SLC35F3: variants seen among roughly 807,000 people sequenced by gnomAD.
SLC35F3 encodes putative thiamine transporter SLC35F3.
Under a neutral mutation model 49.9 loss-of-function variants are expected in SLC35F3, and 25 were observed. That is an observed-to-expected ratio of 0.50 (90% CI 0.37 to 0.70). The LOEUF (loss-of-function observed/expected upper bound fraction) is 0.70. Among genes scored for constraint, SLC35F3 ranks in the 30% least tolerant of loss-of-function variants. The pLI is 0.00. For missense variants in SLC35F3, 525 were observed against 639.8 expected (o/e 0.82, Z 1.94); for synonymous variants, 275 against 265.4 (o/e 1.04, Z -0.35).
intron 2 of SLC35F3, among the ~76,000 whole-genome samples, chr1:234,201,029 C>T (rs1479314972): frequency 2.0e-5 from 3 of 152,148 alleles, no homozygotes; most frequent in Non-Finnish European, 4.4e-5. Context: ...AAACAGTGTC[C>T]AGGCCCTCCT....
At chr1:234,091,337 C>G (rs148173726) in intron 2 of SLC35F3, among the ~76,000 whole-genome samples, 1 of 152,336 alleles carries the variant, frequency 6.6e-6, no homozygotes, top group East Asian at 1.9e-4. Context: ...AAAACCAAGG[C>G]CCTTTCTTCC....
At chr1:233,923,699 T>G (rs1662106126) in intron 2 of SLC35F3, among the ~76,000 whole-genome samples, 1 of 152,296 alleles carries the variant, frequency 6.6e-6, no homozygotes, top group African/African-American at 2.4e-5. Context: ...ATAGGAGTGG[T>G]GAGAGAGGGC....
At chr1:234,318,655 G>A (rs919631927) in intron 5 of SLC35F3, 96 bp from the exon 6 acceptor site, 1 of 1,100,952 alleles carries the variant, frequency 9.1e-7, no homozygotes, top group East Asian at 2.4e-5. Context: ...ATCCTGCAGT[G>A]CAAACCCAGC....
chr1:234,140,103 A>G (rs1665887692), intron 2 of SLC35F3, among the ~76,000 whole-genome samples: 1 of 152,016 alleles, frequency 6.6e-6, no homozygotes, highest in South Asian at 2.1e-4. Context: ...TACAACATGG[A>G]TATGCCGGAC....
At chr1:234,266,956 G>A (rs1466149699) in intron 3 of SLC35F3, among the ~76,000 whole-genome samples, 1 of 129,022 alleles carries the variant, frequency 7.8e-6, no homozygotes, top group Non-Finnish European at 1.6e-5. Flanking sequence ...TAGGACAATA[G>A]TGGAGGGAAG....
At chr1:234,290,823 A>T (rs1668495329) in intron 3 of SLC35F3, among the ~76,000 whole-genome samples, 1 of 152,160 alleles carries the variant, frequency 6.6e-6, no homozygotes, top group Non-Finnish European at 1.5e-5. Context: ...ACATTAAAGA[A>T]CCTGAGGGTT....
intron 2 of SLC35F3, among the ~76,000 whole-genome samples, chr1:234,170,537 A>G (rs1666386218): frequency 6.6e-6 from 1 of 152,030 alleles, no homozygotes; most frequent in South Asian, 2.1e-4. Context: ...TTCCAACCCA[A>G]GACAACCCCG....
chr1:234,248,054 G>A (rs1667670594), intron 3 of SLC35F3, among the ~76,000 whole-genome samples: 1 of 152,110 alleles, frequency 6.6e-6, no homozygotes. Flanking sequence ...TTGAATGGCT[G>A]GTCTATTGTT....
rs746025325 is a variant in SLC35F3 at position 234,231,702 on chromosome 1, G to T, written c.569G>T (p.Cys190Phe). Residue 190 changes from cysteine to phenylalanine, a missense_variant, in exon 3 of 8, where the codon TGC becomes TTC. Cys to Phe is a radical substitution (Grantham distance 205). This residue lies in a region of SLC35F3 where 216 missense variants were observed against 298.1 expected (regional missense o/e 0.72). Transcript: ENST00000366618. The surrounding 1 kb of genome is among the most constrained non-coding windows in gnomAD (Gnocchi z 5.4). The stretch of plus-strand genomic sequence containing the variant: ...CCGTTGTACTACGTGGGGCACGTCT[G>T]CAAGTCCACAGAGAAGCAGTCTGTG... ...FFPLYYVGHVCKSTEKQSVKQ... is the reference protein window; with the variant it reads ...FFPLYYVGHVFKSTEKQSVKQ... 5.6e-5 allele frequency: 90 copies of T among 1,613,566 alleles called. 1 individual carries two copies. The highest frequency in any genetic ancestry group is 7.0e-5 in the Non-Finnish European group (82 of 1,179,710).
chr1:234,139,971 A>AAATAAAATAAAAT (rs1665872755), intron 2 of SLC35F3, among the ~76,000 whole-genome samples: 1 of 135,030 alleles, frequency 7.4e-6, no homozygotes, highest in African/African-American at 2.8e-5. Context: ...AAATAAAATA[A>AAATAAAATAAAAT]AATAAAATAA....
chr1:233,926,328 G>A (rs1003987787), intron 2 of SLC35F3, among the ~76,000 whole-genome samples: 27 of 152,040 alleles, frequency 1.8e-4, no homozygotes, highest in East Asian at 9.7e-4. Context: ...GGCTTTATTC[G>A]TTTCTTTTTA....
At chr1:234,075,683 C>G (rs946909952) in intron 2 of SLC35F3, among the ~76,000 whole-genome samples, 13 of 151,938 alleles carry the variant, frequency 8.6e-5, no homozygotes, top group Admixed American at 4.6e-4. Context: ...ATCTGGAGAA[C>G]GTTAAGGAAA....
chr1:234,053,412 G>T (rs12022406), intron 2 of SLC35F3, among the ~76,000 whole-genome samples: 2,871 of 152,134 alleles, frequency 0.019, 126 homozygotes, highest in East Asian at 0.17. Context: ...TGTCTTTTGA[G>T]CTTTGTTGGT....
At chr1:234,038,847 A>G (rs758064574) in intron 2 of SLC35F3, among the ~76,000 whole-genome samples, 1 of 152,188 alleles carries the variant, frequency 6.6e-6, no homozygotes, top group Non-Finnish European at 1.5e-5. Context: ...GATAACACCC[A>G]TAGGATTTGA....
intron 2 of SLC35F3, among the ~76,000 whole-genome samples, chr1:234,122,681 C>T (rs1005418071): frequency 6.6e-6 from 1 of 152,296 alleles, no homozygotes; most frequent in Non-Finnish European, 1.5e-5. Context: ...CATGTGTTCT[C>T]ATTGTTCAGC....
At chr1:233,962,906 G>A (rs1448867484) in intron 2 of SLC35F3, among the ~76,000 whole-genome samples, 4 of 152,166 alleles carry the variant, frequency 2.6e-5, no homozygotes, top group African/African-American at 4.8e-5. Context: ...CTCTTTGCAC[G>A]GACCTTGTAA....
intron 2 of SLC35F3, among the ~76,000 whole-genome samples, chr1:234,162,474 C>G (rs1261320710): frequency 6.7e-6 from 1 of 148,674 alleles, no homozygotes; most frequent in African/African-American, 2.4e-5. Context: ...TGCTTCAGTT[C>G]CTTTCCCCTT....
At chr1:234,062,988 C>T (rs1383382157) in intron 2 of SLC35F3, among the ~76,000 whole-genome samples, 1 of 151,994 alleles carries the variant, frequency 6.6e-6, no homozygotes, top group African/African-American at 2.4e-5. Context: ...CATGCCCGGC[C>T]TAGCAAAATC....
intron 2 of SLC35F3, among the ~76,000 whole-genome samples, chr1:234,041,010 T>C (rs1270548567): frequency 2.0e-5 from 3 of 152,202 alleles, no homozygotes; most frequent in African/African-American, 4.8e-5. Flanking sequence ...TAACCTTTCA[T>C]GGGTAGAAAC....
Sources: allele counts gnomAD v4.1 joint callset (sites outside exome capture counted in the v4.1 genomes callset), GRCh38; gene constraint gnomAD v4.1.1; regional missense constraint gnomAD v4.1.1; non-coding constraint Gnocchi (gnomAD v3.1); transcripts MANE v1.5; gene names NCBI Gene and HGNC (gene_info 2026-07-23, HGNC 2026-07-21).